The following GYG2 variants were observed in gnomAD, a reference collection of about 807,000 sequenced individuals.
The protein encoded by GYG2 is glycogenin 2.
GYG2 carries 29 observed loss-of-function variants against 29.4 expected under a neutral mutation model. The ratio of observed to expected loss-of-function variants is 0.99; its 90% CI spans 0.74 to 1.35. The LOEUF (loss-of-function observed/expected upper bound fraction) is 1.35. Ranked by LOEUF, GYG2 falls within the 40% of genes most tolerant of loss-of-function variation. The pLI is 0.00. For synonymous variants in GYG2, 167 were observed against 172.3 expected, an observed-to-expected ratio of 0.97 and a Z score of 0.24; for missense variants, 370 against 385.7, an observed-to-expected ratio of 0.96 and a Z score of 0.34.
At chrX:2,879,693 G>C (rs1216621488) in intron 10 of GYG2, among the ~76,000 whole-genome samples, 2 of 112,555 alleles carry the variant, frequency 1.8e-5, no homozygotes, top group Non-Finnish European at 3.8e-5. Flanking sequence ...ATGAATGATA[G>C]AGTGATAGAT....
chrX:2,831,667 C>T (rs1184001548), intron 2 of GYG2, among the ~76,000 whole-genome samples: 1 of 111,973 alleles, frequency 8.9e-6, no homozygotes, highest in Non-Finnish European at 1.9e-5. Context: ...CGGACATTCG[C>T]ATACATCTTG....
chrX:2,829,812 T>A (rs1340589364), intron 1 of GYG2, among the ~76,000 whole-genome samples: 1 of 102,924 alleles, frequency 9.7e-6, no homozygotes, highest in Non-Finnish European at 2.0e-5. Flanking sequence ...GCTGGGCGCA[T>A]GGGTGTTAAG....
chrX:2,851,899 A>G (rs1029863873), intron 3 of GYG2, among the ~76,000 whole-genome samples: 1 of 111,629 alleles, frequency 9.0e-6, no homozygotes, highest in East Asian at 2.8e-4. Flanking sequence ...TTCTATTTCA[A>G]TTACTTGGAA....
intron 2 of GYG2, among the ~76,000 whole-genome samples, chrX:2,831,358 G>A (rs5939349): frequency 8.9e-6 from 1 of 112,144 alleles, no homozygotes; most frequent in East Asian, 2.8e-4. Context: ...GAGCCACCAC[G>A]CCTGGCCATG....
chrX:2,841,291 A>G (rs1302102060), intron 2 of GYG2, among the ~76,000 whole-genome samples: 1 of 108,911 alleles, frequency 9.2e-6, no homozygotes, highest in Non-Finnish European at 1.9e-5. Flanking sequence ...GGTAGATCAT[A>G]GGTAGATGGA....
intron 2 of GYG2, among the ~76,000 whole-genome samples, chrX:2,834,842 C>A (rs775171618): frequency 8.9e-6 from 1 of 111,994 alleles, no homozygotes; most frequent in African/African-American, 3.2e-5. Flanking sequence ...AAACTCATGT[C>A]CCCCCAGAAG....
At chrX:2,842,180 CCTTT>C (rs2087516648) in intron 2 of GYG2, among the ~76,000 whole-genome samples, 1 of 75,909 alleles carries the variant, frequency 1.3e-5, no homozygotes, top group Non-Finnish European at 2.8e-5. Context: ...TCTTTTCTTT[CCTTT>C]CTTTCTTTTT....
At chrX:2,873,555 C>G (rs921326673) in intron 8 of GYG2, among the ~76,000 whole-genome samples, 2 of 111,017 alleles carry the variant, frequency 1.8e-5, no homozygotes, top group Middle Eastern at 9.3e-3. Flanking sequence ...CCTCCTCCTC[C>G]TCCTGCTGCT....
chrX:2,877,691 G>A (rs1380980685), intron 10 of GYG2: 7 of 749,101 alleles, frequency 9.3e-6, no homozygotes, highest in Middle Eastern at 7.5e-4. Flanking sequence ...TCCAAATGGG[G>A]CATGCAAATA....
chrX:2,843,245 A>G lies in GYG2; in HGVS notation c.40A>G (p.Asn14Asp). Residue 14 changes from asparagine (N) to aspartate (D), a missense_variant, in exon 3 of 11, where the codon AAT (asparagine) becomes GAT (aspartate). Transcript: ENST00000398806. ...TCAGGCTTTTGTCACACTAGCCACC[A>G]ATGACATCTACTGCCAGGGCGCCCT... is the stretch of plus-strand genomic sequence containing the variant. ...TDQAFVTLATNDIYCQGALVL... is the reference protein window; with the variant it reads ...TDQAFVTLATDDIYCQGALVL... 2.5e-6 allele frequency: 3 copies of G among 1,202,349 alleles called. No individual in the cohort carries two copies. The highest frequency in any genetic ancestry group is 3.4e-6 in the Non-Finnish European group (3 of 887,100).
intron 2 of GYG2, among the ~76,000 whole-genome samples, chrX:2,832,879 C>T (rs1440644670): frequency 8.9e-6 from 1 of 112,026 alleles, no homozygotes; most frequent in Non-Finnish European, 1.9e-5. Context: ...GGATCAGAGC[C>T]CACCCTAGTG....
intron 3 of GYG2, among the ~76,000 whole-genome samples, chrX:2,844,942 A>T (rs1219441457): frequency 1.9e-5 from 2 of 104,691 alleles, no homozygotes; most frequent in Non-Finnish European, 3.9e-5. Flanking sequence ...GTTCAACTAT[A>T]TATTTTTATA....
chrX:2,877,244 C>G lies in GYG2; in HGVS notation c.1188C>G (p.Phe396Leu). Reference sequence around the variant, plus strand: ...AAAGTGTCTCATCCGAGGAAACCTTCGAACCAAGCCAGGAACTCCCTGCTG... The same window carrying G: ...AAAGTGTCTCATCCGAGGAAACCTTGGAACCAAGCCAGGAACTCCCTGCTG... The part of the protein sequence containing the change: ...KVESVSSEET[F>L]EPSQELPAEA... The change falls in exon 10 of 11, where the codon TTC becomes TTG. Residue 396 changes from phenylalanine (F) to leucine (L), a missense_variant. Coordinates refer to ENST00000398806, the MANE Select transcript of GYG2 (RefSeq NM_001079855.2). The G allele has an allele frequency of 1.7e-6, 2 of 1,210,058 alleles. No individual in the cohort carries two copies. Among genetic ancestry groups the G allele is most frequent in the Non-Finnish European group, 2.2e-6 (2 of 894,369 alleles).
intron 3 of GYG2, among the ~76,000 whole-genome samples, chrX:2,849,895 G>T (rs2087829819): frequency 9.0e-6 from 1 of 111,075 alleles, no homozygotes; most frequent in East Asian, 2.8e-4. Flanking sequence ...TGGGAGGATC[G>T]CTTGAGTTCA....
chrX:2,859,746 A>G, intron 6 of GYG2, 97 bp from the exon 7 acceptor site: 1 of 499,867 alleles, frequency 2.0e-6, no homozygotes, highest in African/African-American at 2.3e-5. Context: ...AGTCCTTCAG[A>G]GGCTGTCTTT....
chrX:2,863,453 G>T (rs1397841339), intron 8 of GYG2, among the ~76,000 whole-genome samples: 2 of 111,955 alleles, frequency 1.8e-5, no homozygotes, highest in Non-Finnish European at 3.8e-5. Flanking sequence ...CTTAGGGAAG[G>T]ATCTGGGGAC....
intron 8 of GYG2, among the ~76,000 whole-genome samples, chrX:2,866,824 A>G (rs2088306971): frequency 1.9e-5 from 1 of 51,346 alleles, no homozygotes; most frequent in Non-Finnish European, 3.8e-5. Context: ...TTAAAAAGTA[A>G]ATTTTTTTTT....
chrX:2,877,058 C>T (rs1214563665), intron 9 of GYG2, 142 bp from the exon 10 acceptor site: 7 of 796,458 alleles, frequency 8.8e-6, no homozygotes, highest in Non-Finnish European at 1.2e-5. Context: ...GCTGGGATTA[C>T]AGGCATGAGC....
intron 4 of GYG2, 104 bp downstream of exon 4, chrX:2,854,258 G>A (rs1282751656): frequency 1.1e-5 from 6 of 540,110 alleles, no homozygotes; most frequent in East Asian, 3.7e-5. Context: ...CAGTCGCTCT[G>A]TCACCCAAGC....
Sources: gnomAD v4.1 joint callset for allele counts (sites outside exome capture counted in the v4.1 genomes callset) on GRCh38, gnomAD v4.1.1 for gene constraint, MANE v1.5 for transcripts, NCBI Gene and HGNC (gene_info 2026-07-23, HGNC 2026-07-21) for gene names.